The following KCND2 variants were observed in gnomAD, a reference collection of about 807,000 sequenced individuals.
KCND2 encodes the protein A-type voltage-gated potassium channel KCND2.
A neutral mutation model predicts 54.4 loss-of-function variants in KCND2; 16 were observed. The observed-to-expected ratio is 0.29, with a 90% confidence interval of 0.20 to 0.45. The LOEUF is 0.45. Ranked by LOEUF, KCND2 falls within the 20% of genes least tolerant of loss-of-function variation. KCND2 has a pLI of 1.00. For missense variants in KCND2, 486 were observed against 824.2 expected, an observed-to-expected ratio of 0.59 and a Z score of 5.02; for synonymous variants, 317 against 310.7, an observed-to-expected ratio of 1.02 and a Z score of -0.21.
At chr7:120,595,495 A>G (rs1268607130) in intron 1 of KCND2, among the ~76,000 whole-genome samples, 3 of 143,962 alleles carry the variant, frequency 2.1e-5, no homozygotes, top group Admixed American at 7.1e-5. Flanking sequence ...ATATATATAT[A>G]TATGTGTGTG....
intron 1 of KCND2, among the ~76,000 whole-genome samples, chr7:120,518,676 T>G (rs1803234571): frequency 6.6e-6 from 1 of 152,132 alleles, no homozygotes; most frequent in South Asian, 2.1e-4. Context: ...ATGTGGAATA[T>G]AAGCTAAAGA....
At chr7:120,456,376 G>A (rs958128677) in intron 1 of KCND2, among the ~76,000 whole-genome samples, 15 of 152,050 alleles carry the variant, frequency 9.9e-5, no homozygotes, top group Non-Finnish European at 2.1e-4. Flanking sequence ...GGCTGTCAAG[G>A]TATGTTCTTT....
chr7:120,466,211 A>G (rs1274200025), intron 1 of KCND2, among the ~76,000 whole-genome samples: 1 of 152,302 alleles, frequency 6.6e-6, no homozygotes, highest in South Asian at 2.1e-4. Flanking sequence ...GCTCATGTTA[A>G]TTAGGCAATC....
chr7:120,721,906 T>A (rs1201556697), intron 1 of KCND2, among the ~76,000 whole-genome samples: 1 of 152,158 alleles, frequency 6.6e-6, no homozygotes, highest in African/African-American at 2.4e-5. Context: ...TCCATACTGT[T>A]CTCATAGTAG....
rs1209150827 is a variant in KCND2, at chr7:120,650,467, A to G, written c.1116-82436A>G. The stretch of plus-strand genomic sequence containing the variant: ...TCGTGCCATGGTTTTCAGCTCCATC[A>G]GGTCATTTAAGGACTTCTCTACACT... On this transcript the variant is annotated intron_variant, in intron 1 of 5. Transcript: ENST00000331113. 2.1e-5 allele frequency among the ~76,000 whole-genome samples: 3 copies of G among 142,792 alleles called. 1 individual carries two copies. Among genetic ancestry groups the G allele is most frequent in the Admixed American group, 2.0e-4 (3 of 14,772 alleles). 93.7% of individuals were successfully genotyped at this position (142,792 alleles called of 152,430 possible). A position where few individuals can be genotyped will look rare whatever the true frequency, so the allele number is the denominator to read the frequency against.
chr7:120,447,554 C>T (rs1802034603), intron 1 of KCND2, among the ~76,000 whole-genome samples: 1 of 151,928 alleles, frequency 6.6e-6, no homozygotes, highest in Admixed American at 6.6e-5. Flanking sequence ...CTGAACCAAC[C>T]CTGTACCTCT....
chr7:120,349,041 T>A (rs1360700089), intron 1 of KCND2, among the ~76,000 whole-genome samples: 1 of 152,104 alleles, frequency 6.6e-6, no homozygotes, highest in African/African-American at 2.4e-5. Flanking sequence ...CAAGAATAAT[T>A]TTAGTTAGCT....
chr7:120,284,714 A>G (rs1038090156), intron 1 of KCND2, among the ~76,000 whole-genome samples: 1 of 152,082 alleles, frequency 6.6e-6, no homozygotes, highest in Non-Finnish European at 1.5e-5. Context: ...AATTTATATA[A>G]AATTATAGGG....
intron 1 of KCND2, among the ~76,000 whole-genome samples, chr7:120,314,893 C>T (rs984722652): frequency 3.9e-5 from 6 of 152,020 alleles, no homozygotes; most frequent in African/African-American, 1.4e-4. Flanking sequence ...TTATACCTTG[C>T]AAGCTTAAGT....
intron 1 of KCND2, among the ~76,000 whole-genome samples, chr7:120,654,601 C>T (rs1791777760): frequency 6.6e-6 from 1 of 152,088 alleles, no homozygotes. Context: ...ACTGGGTTAT[C>T]AAACTATTAG....
intron 1 of KCND2, among the ~76,000 whole-genome samples, chr7:120,675,606 A>G (rs1241490996): frequency 6.6e-6 from 1 of 152,106 alleles, no homozygotes; most frequent in Non-Finnish European, 1.5e-5. Flanking sequence ...TGGAATACGT[A>G]TAAGAATGAG....
At chr7:120,595,423 C>G (rs528773011) in intron 1 of KCND2, among the ~76,000 whole-genome samples, 1 of 145,162 alleles carries the variant, frequency 6.9e-6, no homozygotes, top group Admixed American at 7.1e-5. Flanking sequence ...TGCACTCCAG[C>G]CTGGGCAACA....
At chr7:120,347,920 T>C (rs1038416838) in intron 1 of KCND2, among the ~76,000 whole-genome samples, 2 of 152,142 alleles carry the variant, frequency 1.3e-5, no homozygotes, top group Non-Finnish European at 2.9e-5. Flanking sequence ...GAGGGACCTC[T>C]TCCAGGTTTC....
chr7:120,644,590 T>C (rs1315341770), intron 1 of KCND2, among the ~76,000 whole-genome samples: 1 of 152,206 alleles, frequency 6.6e-6, no homozygotes, highest in Non-Finnish European at 1.5e-5. Context: ...AGCATCCAAC[T>C]AGTATAAATA....
intron 1 of KCND2, among the ~76,000 whole-genome samples, chr7:120,463,081 A>G (rs1441945810): frequency 1.3e-5 from 2 of 152,212 alleles, no homozygotes; most frequent in African/African-American, 2.4e-5. Flanking sequence ...TTCTATAGAG[A>G]TTGGTGAAGG....
At chr7:120,537,594 A>T (rs1263596456) in intron 1 of KCND2, among the ~76,000 whole-genome samples, 1 of 152,222 alleles carries the variant, frequency 6.6e-6, no homozygotes, top group African/African-American at 2.4e-5. Context: ...TTTACATAGA[A>T]AATCTGTTGC....
intron 1 of KCND2, among the ~76,000 whole-genome samples, chr7:120,349,252 G>A (rs1800366727): frequency 6.6e-6 from 1 of 151,856 alleles, no homozygotes; most frequent in South Asian, 2.1e-4. Context: ...GAAGTAGTGA[G>A]ACGGACATGA....
chr7:120,747,196 T>G (rs1256148360), intron 5 of KCND2, among the ~76,000 whole-genome samples: 1 of 152,104 alleles, frequency 6.6e-6, no homozygotes, highest in African/African-American at 2.4e-5. Context: ...ATAGATAATT[T>G]TTTTATTTCT....
At chr7:120,330,252 A>G (rs1196577219) in intron 1 of KCND2, among the ~76,000 whole-genome samples, 1 of 152,080 alleles carries the variant, frequency 6.6e-6, no homozygotes, top group East Asian at 1.9e-4. Flanking sequence ...AAAATGAACT[A>G]ATCTATCTTA....
Sources: gnomAD v4.1 joint callset for allele counts (sites outside exome capture counted in the v4.1 genomes callset) on GRCh38, gnomAD v4.1.1 for gene constraint, MANE v1.5 for transcripts, NCBI Gene and HGNC (gene_info 2026-07-23, HGNC 2026-07-21) for gene names.